The following SYT1 variants were observed in gnomAD, a reference collection of about 807,000 sequenced individuals.
The protein encoded by SYT1 is synaptotagmin-1.
SYT1 carries 8 observed loss-of-function variants against 44.8 expected under a neutral mutation model. The observed-to-expected ratio is 0.18, with a 90% CI of 0.10 to 0.32. The LOEUF is 0.32. Ranked by LOEUF, SYT1 falls within the 10% of genes least tolerant of loss-of-function variation. The probability of loss-of-function intolerance (pLI) is 1.00; values close to 1 mark genes in which losing one functional copy is unlikely to be tolerated. For synonymous variants in SYT1, 154 were observed against 188.8 expected, an observed-to-expected ratio of 0.82 and a Z score of 1.51; for missense variants, 286 against 509.3, an observed-to-expected ratio of 0.56 and a Z score of 4.22.
In SYT1 at chr12:79,214,939, A is replaced by ATG. The variant is rs1188534658; in HGVS notation, c.-17-2563_-17-2562insGT. On this transcript the variant is annotated intron_variant, in intron 3 of 10. Transcript: ENST00000261205. Reference sequence around the variant, plus strand: ...AATACGTGCCTGTAATAATGTGTGTATATGTGTGTGTGTGTGTGTGTGTGT... The same window carrying ATG: ...AATACGTGCCTGTAATAATGTGTGTATGTATGTGTGTGTGTGTGTGTGTGTGT... Among the ~76,000 whole-genome samples the ATG allele has an allele frequency of 8.4e-5, 8 of 95,184 alleles. 1 individual carries two copies. The highest frequency in any genetic ancestry group is 1.4e-4 in the Non-Finnish European group (7 of 50,492). The allele number at this position is 95,184 out of a possible 152,430, so 62.4% of individuals were successfully genotyped here.
chr12:78,948,720 G>C (rs1019821050), intron 1 of SYT1, among the ~76,000 whole-genome samples: 4 of 151,706 alleles, frequency 2.6e-5, no homozygotes, highest in African/African-American at 4.8e-5. Context: ...TCTTATCACA[G>C]ACATATGAAA....
At chr12:79,143,466 A>G (rs1042569744) in intron 3 of SYT1, among the ~76,000 whole-genome samples, 3 of 152,140 alleles carry the variant, frequency 2.0e-5, no homozygotes, top group African/African-American at 4.8e-5. Flanking sequence ...TCTGAGCTCA[A>G]TTGTCATTTT....
At position 79,108,744 on chromosome 12, in the gene SYT1, A is replaced by T. The variant is rs182080262; in HGVS notation, c.-18+61382A>T. ...GTTTTATGTAAATGCAGCAAGCTAG[A>T]ACTTTTAAATATAGTACTTCTTTAA... is the stretch of plus-strand genomic sequence containing the variant. On this transcript the variant is annotated intron_variant, in intron 3 of 10. Coordinates refer to ENST00000261205, the MANE Select transcript of SYT1 (RefSeq NM_005639.3). Among the ~76,000 whole-genome samples the T allele has an allele frequency of 1.0e-3, 158 of 152,354 alleles. 1 individual carries two copies. Among genetic ancestry groups the T allele is most frequent in the African/African-American group, 3.7e-3 (154 of 41,582 alleles).
intron 8 of SYT1, among the ~76,000 whole-genome samples, chr12:79,334,501 T>G (rs1468641628): frequency 6.6e-6 from 1 of 151,958 alleles, no homozygotes; most frequent in Non-Finnish European, 1.5e-5. Flanking sequence ...CAGTGAGAAA[T>G]AAGTAGGAGA....
chr12:79,050,058 T>G (rs1180797743), intron 3 of SYT1, among the ~76,000 whole-genome samples: 1 of 152,080 alleles, frequency 6.6e-6, no homozygotes, highest in African/African-American at 2.4e-5. Flanking sequence ...CATGGTTAAC[T>G]TTTAACTCCT....
At chr12:79,200,223 C>G (rs1306569210) in intron 3 of SYT1, among the ~76,000 whole-genome samples, 3 of 152,052 alleles carry the variant, frequency 2.0e-5, no homozygotes, top group Non-Finnish European at 2.9e-5. Flanking sequence ...GATAAAGATA[C>G]CAGATCTGAG....
chr12:79,026,606 CTGACTTGTTCCTTTTATACACATATA>C (rs1230223882), intron 2 of SYT1, among the ~76,000 whole-genome samples: 1 of 145,970 alleles, frequency 6.9e-6, no homozygotes, highest in African/African-American at 2.5e-5. Flanking sequence ...GAACTGGATA[CTGACTTGTTCCTTTTATACACATATA>C]TGTATAATAT....
intron 3 of SYT1, among the ~76,000 whole-genome samples, chr12:79,213,795 G>A (rs1407681844): frequency 6.6e-6 from 1 of 152,078 alleles, no homozygotes; most frequent in East Asian, 1.9e-4. Flanking sequence ...TGTGTTGGTG[G>A]GTGCCTGTAA....
chr12:79,341,660 CTTTTTTTTTT>C (rs34759181), intron 8 of SYT1, among the ~76,000 whole-genome samples: 29 of 63,102 alleles, frequency 4.6e-4, no homozygotes, highest in East Asian at 4.4e-3. Flanking sequence ...TACATTCATT[CTTTTTTTTTT>C]TTTTTTTTTT....
intron 8 of SYT1, among the ~76,000 whole-genome samples, chr12:79,320,924 C>T (rs947425230): frequency 6.6e-6 from 1 of 151,870 alleles, no homozygotes; most frequent in Non-Finnish European, 1.5e-5. Context: ...CCTGGCCTCT[C>T]GGGTAATTTC....
intron 3 of SYT1, among the ~76,000 whole-genome samples, chr12:79,111,212 A>C (rs925268571): frequency 6.6e-6 from 1 of 152,164 alleles, no homozygotes; most frequent in Non-Finnish European, 1.5e-5. Context: ...GGGCAGTGGA[A>C]TAAAGAAGGG....
intron 4 of SYT1, among the ~76,000 whole-genome samples, chr12:79,245,490 GAAAAGAA>G (rs896038914): frequency 2.2e-5 from 3 of 133,738 alleles, no homozygotes; most frequent in Non-Finnish European, 3.1e-5. Context: ...AAAAAAAAAA[GAAAAGAA>G]AAAAGAAAAA....
chr12:78,886,982 T>C (rs1006730554), intron 1 of SYT1, among the ~76,000 whole-genome samples: 2 of 151,970 alleles, frequency 1.3e-5, no homozygotes, highest in African/African-American at 4.8e-5. Flanking sequence ...TATTTTTCTT[T>C]GAGATTAAGG....
intron 3 of SYT1, among the ~76,000 whole-genome samples, chr12:79,128,516 T>C (rs1178041794): frequency 1.3e-5 from 2 of 152,260 alleles, no homozygotes; most frequent in Non-Finnish European, 2.9e-5. Flanking sequence ...AACACACTTA[T>C]GTTTAAAGTC....
intron 2 of SYT1, among the ~76,000 whole-genome samples, chr12:79,025,320 T>G (rs1331449113): frequency 6.6e-6 from 1 of 151,760 alleles, no homozygotes; most frequent in East Asian, 1.9e-4. Flanking sequence ...AAGCTGACTT[T>G]AAAACTCTTA....
chr12:79,320,780 G>T (rs1881321864), intron 8 of SYT1, among the ~76,000 whole-genome samples: 1 of 151,260 alleles, frequency 6.6e-6, no homozygotes, highest in Non-Finnish European at 1.5e-5. Flanking sequence ...GTTCCACCAG[G>T]CACAGCTAAT....
At chr12:79,448,522 T>C (rs1870858337) in intron 10 of SYT1, among the ~76,000 whole-genome samples, 1 of 152,184 alleles carries the variant, frequency 6.6e-6, no homozygotes, top group Admixed American at 6.5e-5. Flanking sequence ...ATAAGACAAC[T>C]GAAGCAAATG....
intron 8 of SYT1, among the ~76,000 whole-genome samples, chr12:79,349,899 G>A (rs1369983347): frequency 6.6e-6 from 1 of 152,012 alleles, no homozygotes; most frequent in African/African-American, 2.4e-5. Flanking sequence ...TAAAACTATT[G>A]GGTTCTTCTA....
chr12:79,423,866 A>C (rs1185034874), intron 9 of SYT1, among the ~76,000 whole-genome samples: 1 of 151,930 alleles, frequency 6.6e-6, no homozygotes, highest in African/African-American at 2.4e-5. Flanking sequence ...GAAATCTCCC[A>C]AGATACCGGC....
Sources: allele counts gnomAD v4.1 joint callset (sites outside exome capture counted in the v4.1 genomes callset), GRCh38; gene constraint gnomAD v4.1.1; transcripts MANE v1.5; gene names NCBI Gene and HGNC (gene_info 2026-07-23, HGNC 2026-07-21).